AIDA: variants seen among roughly 807,000 people sequenced by gnomAD.
The protein encoded by AIDA is axin interactor, dorsalization-associated protein.
Under a neutral mutation model 42.7 loss-of-function variants are expected in AIDA, and 18 were observed. The ratio of observed to expected loss-of-function variants is 0.42; its 90% confidence interval spans 0.29 to 0.63. The LOEUF is 0.63. AIDA is among the 20% of genes least tolerant of loss of function. The pLI, the probability that AIDA is intolerant of heterozygous loss-of-function variation, is 0.19. For missense variants in AIDA, 250 were observed against 354.1 expected, an observed-to-expected ratio of 0.71 and a Z score of 2.36; for synonymous variants, 104 against 122.9, an observed-to-expected ratio of 0.85 and a Z score of 1.02.
At chr1:222,678,237 ACTATCTGTT>A (rs1201129451) in intron 6 of AIDA, among the ~76,000 whole-genome samples, 1 of 137,012 alleles carries the variant, frequency 7.3e-6, no homozygotes, top group African/African-American at 2.7e-5. Context: ...GTGTGTGTGT[ACTATCTGTT>A]CATGTCTTTT....
At position 222,668,104 on chromosome 1, in the gene AIDA, TATC is replaced by T. The variant is rs963577971; in HGVS notation, c.*1786_*1788del. On this transcript the variant is annotated 3_prime_UTR_variant, in exon 10 of 10. Coordinates refer to ENST00000340020, the MANE Select transcript of AIDA (RefSeq NM_022831.4). ...AGGATAGCAGATGCTTCATATAAAT[TATC>T]ATTTTGATATACATATCTTATGGTT... is the stretch of plus-strand genomic sequence containing the variant. 7 of 152,214 alleles carry T rather than the reference TATC, an allele frequency of 4.6e-5. No homozygotes were observed. Among genetic ancestry groups the T allele is most frequent in the South Asian group, 2.1e-4 (1 of 4,830 alleles). The allele number at this position is 152,214 out of a possible 1,614,324, so 9.4% of individuals were successfully genotyped here. A position where few individuals can be genotyped will look rare whatever the true frequency, so the allele number is the denominator to read the frequency against.
chr1:222,673,954 G>T (rs1378314920), intron 7 of AIDA, among the ~76,000 whole-genome samples: 1 of 151,928 alleles, frequency 6.6e-6, no homozygotes, highest in Non-Finnish European at 1.5e-5. Flanking sequence ...AGGCGTGGTG[G>T]TGCACACCTG....
intron 2 of AIDA, among the ~76,000 whole-genome samples, chr1:222,699,567 A>C (rs1049294492): frequency 6.6e-6 from 1 of 152,216 alleles, no homozygotes; most frequent in African/African-American, 2.4e-5. Flanking sequence ...GAGAAGTCAC[A>C]AACTCTATCT....
chr1:222,688,795 TG>T (rs1293705357), intron 4 of AIDA, among the ~76,000 whole-genome samples: 1 of 152,024 alleles, frequency 6.6e-6, no homozygotes, highest in Non-Finnish European at 1.5e-5. Context: ...GACGGAGTTT[TG>T]CCATGTTGGC....
intron 1 of AIDA, among the ~76,000 whole-genome samples, chr1:222,703,971 A>G (rs1558216273): frequency 6.6e-6 from 1 of 152,232 alleles, no homozygotes; most frequent in African/African-American, 2.4e-5. Context: ...AAAAAGACCA[A>G]TTTTGGACAA....
In AIDA at chr1:222,689,481, G is replaced by GTGTGTGTA. The variant is rs1253190601; in HGVS notation, c.290-1824_290-1823insTACACACA. Among the ~76,000 whole-genome samples the GTGTGTGTA allele has an allele frequency of 4.8e-4, 17 of 35,360 alleles. No homozygotes were observed. In the South Asian group the frequency reaches 5.1e-3, roughly 11 times the overall value. 23.2% of individuals were successfully genotyped at this position (35,360 alleles called of 152,430 possible). A position where few individuals can be genotyped will look rare whatever the true frequency, so the allele number is the denominator to read the frequency against. Reference sequence around the variant, plus strand: ...AAAGAAAATATGTATGTGTGTGTGTGTATATATATATATATATATATATAT... The same window carrying GTGTGTGTA: ...AAAGAAAATATGTATGTGTGTGTGTGTGTGTGTATATATATATATATATATATATATAT... On this transcript the variant is annotated intron_variant, in intron 4 of 9. Coordinates refer to ENST00000340020, the MANE Select transcript of AIDA (RefSeq NM_022831.4).
chr1:222,698,286 T>C (rs1420650588), intron 2 of AIDA, among the ~76,000 whole-genome samples: 2 of 152,188 alleles, frequency 1.3e-5, no homozygotes, highest in Non-Finnish European at 2.9e-5. Flanking sequence ...GTAGTTCTGC[T>C]TTAGAGCTTG....
At chr1:222,672,657 G>C (rs1004857031) in intron 8 of AIDA, among the ~76,000 whole-genome samples, 1 of 152,210 alleles carries the variant, frequency 6.6e-6, no homozygotes, top group Non-Finnish European at 1.5e-5. Context: ...CACCAGACTT[G>C]AGAAGTGAAA....
chr1:222,690,477 A>C (rs1047049669), intron 4 of AIDA, among the ~76,000 whole-genome samples: 21 of 152,178 alleles, frequency 1.4e-4, no homozygotes, highest in African/African-American at 4.8e-4. Context: ...TTCATGGCAT[A>C]AACTGGAAGA....
At chr1:222,696,791 C>T (rs1655531825) in intron 2 of AIDA, among the ~76,000 whole-genome samples, 1 of 152,136 alleles carries the variant, frequency 6.6e-6, no homozygotes, top group Non-Finnish European at 1.5e-5. Context: ...TAAAGCATTA[C>T]TTTCTTTTCC....
chr1:222,695,174 A>C (rs1447214975), intron 2 of AIDA, among the ~76,000 whole-genome samples: 1 of 152,052 alleles, frequency 6.6e-6, no homozygotes, highest in African/African-American at 2.4e-5. Context: ...GGTTTTCTCT[A>C]CCTCTTTCAG....
intron 6 of AIDA, among the ~76,000 whole-genome samples, chr1:222,679,766 A>G (rs3008636): frequency 0.99 from 151,570 of 152,360 alleles, 75,395 homozygotes; most frequent in Middle Eastern, 1. Flanking sequence ...GGAGCTGTGA[A>G]ATGACCTCCC....
At chr1:222,703,270 C>T (rs999795816) in intron 1 of AIDA, 53 bp from the exon 2 acceptor site, 1 of 1,321,220 alleles carries the variant, frequency 7.6e-7, no homozygotes. Context: ...ACTACTGCAA[C>T]AAAGTGTAAC....
chr1:222,702,769 CAA>C (rs1031488093), intron 2 of AIDA, among the ~76,000 whole-genome samples: 2 of 152,202 alleles, frequency 1.3e-5, no homozygotes, highest in African/African-American at 4.8e-5. Flanking sequence ...GGGTGGAATG[CAA>C]TTACCCACAA....
At chr1:222,681,904 C>A (rs575964656) in intron 6 of AIDA, among the ~76,000 whole-genome samples, 3 of 152,268 alleles carry the variant, frequency 2.0e-5, no homozygotes, top group Admixed American at 6.5e-5. Flanking sequence ...ACATCTGAGG[C>A]CCCTCACTTA....
chr1:222,673,505 G>T, intron 7 of AIDA, 70 bp from the exon 8 acceptor site: 1 of 1,348,488 alleles, frequency 7.4e-7, no homozygotes, highest in Non-Finnish European at 9.8e-7. Context: ...GGCCAGGCAC[G>T]GTGGCTCACG....
In AIDA at chr1:222,676,930, A is replaced by C. The variant is rs74950483; in HGVS notation, c.461-712T>G. On this transcript the variant is annotated intron_variant, in intron 6 of 9. Coordinates refer to ENST00000340020, the MANE Select transcript of AIDA (RefSeq NM_022831.4). ...ACACTGAAGCAAAAAAACCACAAAAAAAAACAAACAAAAAAAAACCCATCC... is the reference window on the plus strand; with the variant it reads ...ACACTGAAGCAAAAAAACCACAAAACAAAACAAACAAAAAAAAACCCATCC... Among the ~76,000 whole-genome samples, 170 of 151,540 alleles carry C rather than the reference A, an allele frequency of 1.1e-3. 1 individual carries two copies. In the East Asian group the frequency reaches 0.017, roughly 15 times the overall value.
At chr1:222,684,283 T>C (rs1259876543) in intron 6 of AIDA, among the ~76,000 whole-genome samples, 5 of 152,086 alleles carry the variant, frequency 3.3e-5, no homozygotes, top group African/African-American at 1.2e-4. Flanking sequence ...GGCTAATTTT[T>C]GTATTTTTAG....
chr1:222,683,171 G>T (rs1664682830), intron 6 of AIDA, among the ~76,000 whole-genome samples: 1 of 152,086 alleles, frequency 6.6e-6, no homozygotes, highest in Admixed American at 6.5e-5. Context: ...ATGTAGGTCT[G>T]TTGAATTAAA....
Sources: gnomAD v4.1 joint callset for allele counts (sites outside exome capture counted in the v4.1 genomes callset) on GRCh38, gnomAD v4.1.1 for gene constraint, MANE v1.5 for transcripts, NCBI Gene and HGNC (gene_info 2026-07-23, HGNC 2026-07-21) for gene names.